The following ATXN10 variants were observed in gnomAD, a reference collection of about 807,000 sequenced individuals.
The protein encoded by ATXN10 is ataxin 10, also known as ataxin-10.
ATXN10 carries 28 observed loss-of-function variants against 52.9 expected under a neutral mutation model. The ratio of observed to expected loss-of-function variants is 0.53; its 90% CI spans 0.39 to 0.73. ATXN10 has a LOEUF of 0.73. Ranked by LOEUF, ATXN10 falls within the 30% of genes least tolerant of loss-of-function variation. The probability of loss-of-function intolerance (pLI) is 0.00; values close to 1 mark genes in which losing one functional copy is unlikely to be tolerated. For missense variants in ATXN10, 565 were observed against 577.0 expected, an observed-to-expected ratio of 0.98 and a Z score of 0.21; for synonymous variants, 226 against 221.5, an observed-to-expected ratio of 1.02 and a Z score of -0.18.
At chr22:45,702,503 C>A (rs1348202592) in intron 4 of ATXN10, among the ~76,000 whole-genome samples, 186 bp from the exon 5 acceptor site, 1 of 152,070 alleles carries the variant, frequency 6.6e-6, no homozygotes, top group Non-Finnish European at 1.5e-5. Flanking sequence ...ATTTTGGATA[C>A]TTTTTATTGT....
At chr22:45,709,867 A>G (rs1422925377) in intron 5 of ATXN10, among the ~76,000 whole-genome samples, 2 of 152,046 alleles carry the variant, frequency 1.3e-5, no homozygotes, top group Non-Finnish European at 2.9e-5. Flanking sequence ...AACTGGTACC[A>G]CCATTTACTC....
At chr22:45,719,023 G>T (rs990292445) in intron 6 of ATXN10, among the ~76,000 whole-genome samples, 6 of 150,786 alleles carry the variant, frequency 4.0e-5, no homozygotes, top group East Asian at 1.9e-4. Context: ...ATGTGACCTT[G>T]TTGGGATTCA....
At chr22:45,724,000 A>G (rs1303011527) in intron 6 of ATXN10, among the ~76,000 whole-genome samples, 1 of 151,712 alleles carries the variant, frequency 6.6e-6, no homozygotes, top group East Asian at 1.9e-4. Flanking sequence ...GTTGCTGCAT[A>G]AGACATTATT....
intron 5 of ATXN10, among the ~76,000 whole-genome samples, chr22:45,709,025 G>T (rs1476062938): frequency 6.6e-6 from 1 of 152,176 alleles, no homozygotes; most frequent in Non-Finnish European, 1.5e-5. Context: ...TTTTTTGTTA[G>T]TATTTGGGTT....
At position 45,790,940 on chromosome 22, in the gene ATXN10, G is replaced by A. The variant is rs907454463; in HGVS notation, c.1174-16019G>A. On this transcript the variant is annotated intron_variant, in intron 9 of 11. Coordinates refer to ENST00000252934, the MANE Select transcript of ATXN10 (RefSeq NM_013236.4). The surrounding 1 kb of genome is among the most constrained non-coding windows in gnomAD (Gnocchi z 4.7). ...CACAGACATAGCTTACTGTACTCTCGAACTCCTGGGCTCAACCCATCTTCA... is the reference window on the plus strand; with the variant it reads ...CACAGACATAGCTTACTGTACTCTCAAACTCCTGGGCTCAACCCATCTTCA... Among the ~76,000 whole-genome samples, 9 of 151,938 alleles carry A rather than the reference G, an allele frequency of 5.9e-5. No individual in the cohort carries two copies. The highest frequency in any genetic ancestry group is 1.9e-4 in the African/African-American group (8 of 41,340).
At chr22:45,758,034 G>A (rs915209428) in intron 9 of ATXN10, among the ~76,000 whole-genome samples, 5 of 152,246 alleles carry the variant, frequency 3.3e-5, no homozygotes, top group Non-Finnish European at 7.3e-5. Context: ...GGCAGAGACG[G>A]ATGCAACTAT....
At chr22:45,793,852 G>C (rs1927609842) in intron 9 of ATXN10, 3 of 1,286,962 alleles carry the variant, frequency 2.3e-6, no homozygotes, top group Non-Finnish European at 3.0e-6. Flanking sequence ...GGGTGAGCTG[G>C]TGGTGGTAAA....
At chr22:45,697,572 A>G (rs1294992610) in intron 3 of ATXN10, among the ~76,000 whole-genome samples, 1 of 152,198 alleles carries the variant, frequency 6.6e-6, no homozygotes, top group Non-Finnish European at 1.5e-5. Flanking sequence ...AAATGGAATC[A>G]TAGAATTAAT....
intron 5 of ATXN10, among the ~76,000 whole-genome samples, chr22:45,707,192 T>C (rs1320262169): frequency 1.3e-5 from 2 of 152,202 alleles, no homozygotes; most frequent in Admixed American, 1.3e-4. Context: ...TAGTAGTCAG[T>C]GTGTGATTAG....
Position 45,681,845 on chromosome 22 carries a change from C to T in ATXN10, c.117-7867C>T, listed in dbSNP as rs533779747. Among the ~76,000 whole-genome samples the T allele has an allele frequency of 1.3e-5, 2 of 152,322 alleles. No homozygotes were observed. The highest frequency in any genetic ancestry group is 3.9e-4 in the East Asian group (2 of 5,180). ...CTTCAAACCTCCATCCCATCTCCCT[C>T]ATCCTCACTCTCAGCTCTCTGAAAA... On this transcript the variant is annotated intron_variant, in intron 1 of 11. Coordinates refer to ENST00000252934, the MANE Select transcript of ATXN10 (RefSeq NM_013236.4). The surrounding 1 kb of genome is among the most constrained non-coding windows in gnomAD (Gnocchi z 4.2).
chr22:45,707,826 G>A (rs1473330685), intron 5 of ATXN10, among the ~76,000 whole-genome samples: 5 of 152,078 alleles, frequency 3.3e-5, no homozygotes, highest in Non-Finnish European at 7.4e-5. Context: ...AACAAACAAT[G>A]AGATCACAGA....
chr22:45,726,517 C>T (rs991235058), intron 6 of ATXN10, among the ~76,000 whole-genome samples: 5 of 152,052 alleles, frequency 3.3e-5, no homozygotes, highest in African/African-American at 7.2e-5. Flanking sequence ...TCTCCATTTC[C>T]GTTTCTATTT....
chr22:45,721,211 A>G (rs767052834), intron 6 of ATXN10, among the ~76,000 whole-genome samples: 70 of 152,190 alleles, frequency 4.6e-4, no homozygotes, highest in Non-Finnish European at 5.0e-4. Context: ...CTACATTTAC[A>G]TACTTGTCTG....
chr22:45,738,864 T>C, intron 8 of ATXN10, 25 bp downstream of exon 8: 2 of 1,567,028 alleles, frequency 1.3e-6, no homozygotes, highest in Non-Finnish European at 1.8e-6. Flanking sequence ...ACACATTGTA[T>C]TTTTAGCTAA....
intron 10 of ATXN10, among the ~76,000 whole-genome samples, chr22:45,817,598 T>A (rs1329920291): frequency 6.6e-6 from 1 of 152,182 alleles, no homozygotes; most frequent in Non-Finnish European, 1.5e-5. Flanking sequence ...GTGCTGGGAT[T>A]ACAGGCGTGA....
In ATXN10 at chr22:45,775,274, G is replaced by A. The variant is rs918307639; in HGVS notation, c.1174-31685G>A. 5.9e-5 allele frequency among the ~76,000 whole-genome samples: 9 copies of A among 152,194 alleles called. No individual in the cohort carries two copies. The highest frequency in any genetic ancestry group is 2.2e-4 in the African/African-American group (9 of 41,450). ...GGCTACTGGTCCTGGGCATGGGGCT[G>A]TGTCCCTGTCCCTGTGTTCACATCT... On this transcript the variant is annotated intron_variant, in intron 9 of 11. Transcript: ENST00000252934. The surrounding 1 kb of genome is among the most constrained non-coding windows in gnomAD (Gnocchi z 4.7).
At position 45,740,900 on chromosome 22, in the gene ATXN10, C is replaced by T. The variant is rs9626193; in HGVS notation, c.1173+362C>T. 774 of 155,796 alleles carry T rather than the reference C, an allele frequency of 5.0e-3. 7 individuals are homozygous for T. Among genetic ancestry groups the T allele is most frequent in the African/African-American group, 0.018 (741 of 41,552 alleles). 9.7% of individuals were successfully genotyped at this position (155,796 alleles called of 1,614,324 possible). ...TAGATCTATATCCTATGTTTATGGA[C>T]GATAGCATCATAAGCCTTTTCTTCT... On this transcript the variant is annotated intron_variant, in intron 9 of 11. Coordinates refer to ENST00000252934, the MANE Select transcript of ATXN10 (RefSeq NM_013236.4).
At chr22:45,748,575 G>T (rs1267027520) in intron 9 of ATXN10, among the ~76,000 whole-genome samples, 2 of 152,136 alleles carry the variant, frequency 1.3e-5, no homozygotes, top group Non-Finnish European at 2.9e-5. Context: ...TCCAAAATCT[G>T]TTCTAGCTCA....
intron 5 of ATXN10, among the ~76,000 whole-genome samples, chr22:45,707,301 G>T (rs1924080487): frequency 6.6e-6 from 1 of 152,086 alleles, no homozygotes; most frequent in African/African-American, 2.4e-5. Flanking sequence ...TTCTTGCAGT[G>T]TAATCTTTTA....
Sources: allele counts gnomAD v4.1 joint callset (sites outside exome capture counted in the v4.1 genomes callset), GRCh38; gene constraint gnomAD v4.1.1; non-coding constraint Gnocchi (gnomAD v3.1); transcripts MANE v1.5; gene names NCBI Gene and HGNC (gene_info 2026-07-23, HGNC 2026-07-21).